SGCZ: variants seen among roughly 807,000 people sequenced by gnomAD.
SGCZ encodes sarcoglycan zeta, also known as zeta-sarcoglycan.
In SGCZ, 40 loss-of-function variants were observed where a neutral mutation model predicts 41.3. That is an observed-to-expected ratio of 0.97 (90% confidence interval 0.75 to 1.26). The LOEUF (loss-of-function observed/expected upper bound fraction) is 1.26, where lower values mean the gene tolerates loss of function less well. Ranked by LOEUF, SGCZ falls within the 50% of genes most tolerant of loss-of-function variation. The probability of loss-of-function intolerance (pLI) is 0.00; values close to 1 mark genes in which losing one functional copy is unlikely to be tolerated. For synonymous variants in SGCZ, 206 were observed against 137.5 expected (o/e 1.50, Z -3.49); for missense variants, 552 against 369.8 (o/e 1.49, Z -4.04).
intron 2 of SGCZ, among the ~76,000 whole-genome samples, chr8:14,542,900 T>C (rs909267161): frequency 2.0e-5 from 3 of 151,654 alleles, no homozygotes; most frequent in Admixed American, 6.6e-5. Flanking sequence ...TACTATTACC[T>C]TTTTTTTAAC....
At chr8:14,611,604 A>T (rs139777991) in intron 1 of SGCZ, among the ~76,000 whole-genome samples, 1 of 152,190 alleles carries the variant, frequency 6.6e-6, no homozygotes, top group Non-Finnish European at 1.5e-5. Context: ...TCAGTGTAAC[A>T]TTCCTTCAAA....
At chr8:14,798,013 A>G (rs1239470651) in intron 1 of SGCZ, among the ~76,000 whole-genome samples, 7 of 152,216 alleles carry the variant, frequency 4.6e-5, no homozygotes, top group Non-Finnish European at 1.5e-5. Context: ...AGTTTGCTGC[A>G]GGGGCGGGGC....
chr8:14,952,774 C>T (rs962152831), intron 1 of SGCZ, among the ~76,000 whole-genome samples: 6 of 152,138 alleles, frequency 3.9e-5, no homozygotes, highest in Non-Finnish European at 7.4e-5. Context: ...TATTGTTACC[C>T]GAGGTATTAA....
At chr8:14,607,950 T>G (rs1038380311) in intron 1 of SGCZ, among the ~76,000 whole-genome samples, 1 of 152,194 alleles carries the variant, frequency 6.6e-6, no homozygotes, top group African/African-American at 2.4e-5. Context: ...GTTACTGCTG[T>G]AAAAGACAAA....
At chr8:14,797,903 G>A (rs1801189550) in intron 1 of SGCZ, among the ~76,000 whole-genome samples, 1 of 152,194 alleles carries the variant, frequency 6.6e-6, no homozygotes, top group Non-Finnish European at 1.5e-5. Context: ...GTTTACACGT[G>A]GTGTTGAGAC....
chr8:14,616,348 C>T (rs1480940768), intron 1 of SGCZ, among the ~76,000 whole-genome samples: 1 of 151,628 alleles, frequency 6.6e-6, no homozygotes, highest in Non-Finnish European at 1.5e-5. Flanking sequence ...ATCACCATTA[C>T]AATACACTAA....
chr8:14,590,236 T>TA (rs1805198385), intron 1 of SGCZ, among the ~76,000 whole-genome samples: 1 of 151,926 alleles, frequency 6.6e-6, no homozygotes, highest in African/African-American at 2.4e-5. Context: ...AGGATATGAA[T>TA]AAAAAAGCAA....
At chr8:14,347,302 T>A (rs969216083) in intron 2 of SGCZ, among the ~76,000 whole-genome samples, 12 of 152,146 alleles carry the variant, frequency 7.9e-5, no homozygotes, top group African/African-American at 2.9e-4. Context: ...TCTGGAGCTT[T>A]TACTGAGGAT....
At chr8:15,004,149 C>T (rs1326374564) in intron 1 of SGCZ, among the ~76,000 whole-genome samples, 3 of 152,044 alleles carry the variant, frequency 2.0e-5, no homozygotes, top group Non-Finnish European at 4.4e-5. Flanking sequence ...CTGCAGTTAA[C>T]GTGCCAGAAT....
In SGCZ at chr8:14,134,496, G is replaced by A. The variant is rs147529104; in HGVS notation, c.548-26261C>T. Among the ~76,000 whole-genome samples, 846 of 152,284 alleles carry A rather than the reference G, an allele frequency of 5.6e-3. 6 individuals carry two copies. The highest frequency in any genetic ancestry group is 0.019 in the African/African-American group (805 of 41,558). On this transcript the variant is annotated intron_variant, in intron 5 of 7. Coordinates refer to ENST00000382080, the MANE Select transcript of SGCZ (RefSeq NM_139167.4). Reference sequence around the variant, plus strand: ...TGTGTCATTCAAATTAACTGTGCCTGTAATTTCCTGTGTCTGAGGAAATTG... The same window carrying A: ...TGTGTCATTCAAATTAACTGTGCCTATAATTTCCTGTGTCTGAGGAAATTG...
intron 1 of SGCZ, among the ~76,000 whole-genome samples, chr8:14,948,417 T>C (rs1800523862): frequency 6.6e-6 from 1 of 152,142 alleles, no homozygotes; most frequent in Non-Finnish European, 1.5e-5. Flanking sequence ...TAACTCTGTT[T>C]GAATGGAAAA....
intron 1 of SGCZ, among the ~76,000 whole-genome samples, chr8:14,704,842 T>C (rs1295913326): frequency 6.6e-6 from 1 of 151,968 alleles, no homozygotes; most frequent in Non-Finnish European, 1.5e-5. Context: ...ATAAACTAAA[T>C]ACTGGGCATC....
At chr8:15,081,859 T>C (rs549309274) in intron 1 of SGCZ, among the ~76,000 whole-genome samples, 4 of 152,064 alleles carry the variant, frequency 2.6e-5, no homozygotes, top group African/African-American at 9.7e-5. Context: ...TTGTAAGGAA[T>C]TGATTTCAAA....
chr8:14,761,290 T>C (rs1799863597), intron 1 of SGCZ, among the ~76,000 whole-genome samples: 1 of 152,034 alleles, frequency 6.6e-6, no homozygotes, highest in African/African-American at 2.4e-5. Flanking sequence ...TATATTAAAA[T>C]GTTCCCAGTT....
At chr8:14,415,282 C>G (rs561754521) in intron 2 of SGCZ, among the ~76,000 whole-genome samples, 1 of 151,726 alleles carries the variant, frequency 6.6e-6, no homozygotes, top group Non-Finnish European at 1.5e-5. Context: ...CAAATTAATA[C>G]AAAAATTGTT....
At chr8:15,180,628 G>A (rs1800144384) in intron 1 of SGCZ, among the ~76,000 whole-genome samples, 1 of 151,996 alleles carries the variant, frequency 6.6e-6, no homozygotes. Flanking sequence ...ACTCACGCCT[G>A]TAATCCCAGC....
intron 3 of SGCZ, chr8:14,319,546 A>T (rs1248862947): frequency 1.3e-5 from 2 of 152,024 alleles, no homozygotes; most frequent in African/African-American, 4.8e-5. Context: ...AATCAAAACT[A>T]GCAAACAAAA....
chr8:14,874,832 C>T (rs890385037), intron 1 of SGCZ, among the ~76,000 whole-genome samples: 1 of 152,118 alleles, frequency 6.6e-6, no homozygotes, highest in African/African-American at 2.4e-5. Flanking sequence ...GAGGTATATT[C>T]ACCTTCCTCC....
At chr8:14,615,251 T>TAGTTCAAACTAAGAATATAGCA (rs1444938588) in intron 1 of SGCZ, among the ~76,000 whole-genome samples, 1 of 152,180 alleles carries the variant, frequency 6.6e-6, no homozygotes, top group African/African-American at 2.4e-5. Context: ...TAACATAGTT[T>TAGTTCAAACTAAGAATATAGCA]AGTTCAAACT....
Sources: gnomAD v4.1 joint callset for allele counts (sites outside exome capture counted in the v4.1 genomes callset) on GRCh38, gnomAD v4.1.1 for gene constraint, MANE v1.5 for transcripts, NCBI Gene and HGNC (gene_info 2026-07-23, HGNC 2026-07-21) for gene names.